The following ABCA13 variants were observed in gnomAD, a reference collection of about 807,000 sequenced individuals.
ABCA13 encodes ATP binding cassette subfamily A member 13, also known as ATP-binding cassette sub-family A member 13.
ABCA13 carries 476 observed loss-of-function variants against 478.7 expected under a neutral mutation model. That is an observed-to-expected ratio of 0.99 (90% confidence interval 0.92 to 1.07). The LOEUF is 1.07. ABCA13 is among the 50% of genes least tolerant of loss of function. The pLI is 0.00. For synonymous variants in ABCA13, 2,252 were observed against 2,158.9 expected (o/e 1.04, Z -1.20); for missense variants, 6,060 against 5,910.6 (o/e 1.03, Z -0.83).
In ABCA13 at chr7:48,273,865, T is replaced by A. The variant is rs1313102523; in HGVS notation, c.4199T>A (p.Val1400Asp). Reference protein sequence around the residue: ...SLKGCIVWLDVINHLYLLSNS... With the variant: ...SLKGCIVWLDDINHLYLLSNS... ...AAAGGATGCATTGTATGGTTAGATG[T>A]CATAAACCATTTGTATTTGTTGTCT... is the stretch of plus-strand genomic sequence containing the variant. Residue 1400 changes from valine (V) to aspartate (D), a missense_variant, in exon 17 of 62, where the codon GTC becomes GAC. Physicochemically the swap from Val to Asp is radical, Grantham distance 152. Coordinates refer to ENST00000435803, the MANE Select transcript of ABCA13 (RefSeq NM_152701.5). The A allele has an allele frequency of 6.2e-7, 1 of 1,612,496 alleles. No homozygotes were observed. The highest frequency in any genetic ancestry group is 1.1e-5 in the South Asian group (1 of 90,964).
At chr7:48,429,181 A>G (rs1213960694) in intron 42 of ABCA13, among the ~76,000 whole-genome samples, 1 of 152,210 alleles carries the variant, frequency 6.6e-6, no homozygotes, top group Non-Finnish European at 1.5e-5. Flanking sequence ...TTGTTTGTCC[A>G]TTCACCAGTT....
At chr7:48,288,335 T>G (rs1287648089) in intron 20 of ABCA13, among the ~76,000 whole-genome samples, 1 of 152,216 alleles carries the variant, frequency 6.6e-6, no homozygotes, top group Non-Finnish European at 1.5e-5. Flanking sequence ...GCAAGCTGGT[T>G]GTTAAACATA....
chr7:48,477,991 A>G (rs573043686), intron 45 of ABCA13, among the ~76,000 whole-genome samples: 1 of 152,000 alleles, frequency 6.6e-6, no homozygotes, highest in Admixed American at 6.6e-5. Flanking sequence ...CTAATGGAAA[A>G]CACCATTTTA....
At chr7:48,241,457 A>G (rs1029616247) in intron 10 of ABCA13, among the ~76,000 whole-genome samples, 1 of 152,212 alleles carries the variant, frequency 6.6e-6, no homozygotes, top group African/African-American at 2.4e-5. Context: ...ATGTTTTTAT[A>G]TTTACTTAAA....
intron 46 of ABCA13, among the ~76,000 whole-genome samples, chr7:48,482,780 A>G (rs1347806371): frequency 1.3e-5 from 2 of 152,314 alleles, no homozygotes; most frequent in East Asian, 3.9e-4. Flanking sequence ...TACCTGTTAC[A>G]TGGCATGTAT....
intron 54 of ABCA13, among the ~76,000 whole-genome samples, chr7:48,526,206 A>C (rs1011129276): frequency 3.9e-5 from 6 of 152,032 alleles, no homozygotes; most frequent in African/African-American, 1.4e-4. Context: ...GACCAGCCTC[A>C]GGGGAGAAGG....
chr7:48,280,037 T>G (rs1397067558), intron 18 of ABCA13, 117 bp downstream of exon 18: 11 of 1,143,160 alleles, frequency 9.6e-6, no homozygotes, highest in Non-Finnish European at 1.3e-5. Flanking sequence ...TCAACTTTGT[T>G]TACACTCTGA....
chr7:48,301,364 G>A (rs932965682), intron 23 of ABCA13, among the ~76,000 whole-genome samples: 42 of 152,266 alleles, frequency 2.8e-4, no homozygotes, highest in Middle Eastern at 6.8e-3. Flanking sequence ...GAGCTGCTGG[G>A]CATAATTTAT....
chr7:48,507,565 A>C (rs1042483922), intron 49 of ABCA13, among the ~76,000 whole-genome samples: 38 of 152,052 alleles, frequency 2.5e-4, no homozygotes, highest in African/African-American at 8.7e-4. Context: ...TGCTCAGAGG[A>C]TATCTTTCAT....
intron 1 of ABCA13, among the ~76,000 whole-genome samples, chr7:48,192,021 C>A (rs1036696593): frequency 6.6e-6 from 1 of 152,182 alleles, no homozygotes; most frequent in Admixed American, 6.5e-5. Flanking sequence ...CAATGGCTTG[C>A]CTACTTTTTG....
At chr7:48,182,467 T>C (rs1435950100) in intron 1 of ABCA13, among the ~76,000 whole-genome samples, 2 of 152,182 alleles carry the variant, frequency 1.3e-5, no homozygotes, top group Non-Finnish European at 2.9e-5. Context: ...CCTTCCAGTG[T>C]TCATACTTAA....
chr7:48,247,360 C>T (rs561156237), intron 13 of ABCA13, among the ~76,000 whole-genome samples: 1 of 152,034 alleles, frequency 6.6e-6, no homozygotes, highest in Non-Finnish European at 1.5e-5. Context: ...GGCAGAAATC[C>T]TATCTCAAAT....
intron 15 of ABCA13, among the ~76,000 whole-genome samples, chr7:48,257,308 A>G (rs1345181680): frequency 6.6e-6 from 1 of 151,952 alleles, no homozygotes; most frequent in East Asian, 1.9e-4. Context: ...CTCTTGCCTG[A>G]TTGCTCTGGA....
At chr7:48,343,610 T>C (rs1429029491) in intron 29 of ABCA13, among the ~76,000 whole-genome samples, 1 of 151,738 alleles carries the variant, frequency 6.6e-6, no homozygotes, top group Non-Finnish European at 1.5e-5. Flanking sequence ...TTAATTTCAA[T>C]AGGGTTTTGG....
intron 29 of ABCA13, among the ~76,000 whole-genome samples, chr7:48,346,661 T>C (rs1299200290): frequency 6.6e-6 from 1 of 152,254 alleles, no homozygotes; most frequent in African/African-American, 2.4e-5. Context: ...AGTTAGCACT[T>C]ACTGTAAATC....
intron 55 of ABCA13, among the ~76,000 whole-genome samples, chr7:48,544,511 C>T (rs571946196): frequency 6.7e-6 from 1 of 149,518 alleles, no homozygotes; most frequent in Admixed American, 6.7e-5. Flanking sequence ...AACCATGCCT[C>T]TGTAAAAGCT....
intron 48 of ABCA13, among the ~76,000 whole-genome samples, chr7:48,493,223 C>T (rs1829995780): frequency 6.6e-6 from 1 of 152,054 alleles, no homozygotes; most frequent in African/African-American, 2.4e-5. Context: ...ATAAATAGGT[C>T]ATTTAAGTGA....
At chr7:48,359,826 C>T (rs1337206178) in intron 31 of ABCA13, among the ~76,000 whole-genome samples, 1 of 152,012 alleles carries the variant, frequency 6.6e-6, no homozygotes, top group Non-Finnish European at 1.5e-5. Context: ...CCAACACGCC[C>T]ATGACTTTTC....
chr7:48,204,813 G>C (rs959569198), intron 3 of ABCA13, among the ~76,000 whole-genome samples: 1 of 152,202 alleles, frequency 6.6e-6, no homozygotes, highest in Non-Finnish European at 1.5e-5. Context: ...ACTGAGGAAA[G>C]ACAACTCCGG....
Sources: gnomAD v4.1 joint callset for allele counts (sites outside exome capture counted in the v4.1 genomes callset) on GRCh38, gnomAD v4.1.1 for gene constraint, MANE v1.5 for transcripts, NCBI Gene and HGNC (gene_info 2026-07-23, HGNC 2026-07-21) for gene names.